PRKD1: variants seen among roughly 807,000 people sequenced by gnomAD.
The protein encoded by PRKD1 is protein kinase D1, also known as serine/threonine-protein kinase D1.
A neutral mutation model predicts 95.9 loss-of-function variants in PRKD1; 63 were observed. The observed-to-expected ratio is 0.66, with a 90% CI of 0.54 to 0.81. PRKD1 has a LOEUF of 0.81. PRKD1 is among the 30% of genes least tolerant of loss of function. PRKD1 has a pLI of 0.00. For synonymous variants in PRKD1, 425 were observed against 423.1 expected, an observed-to-expected ratio of 1.00 and a Z score of -0.05; for missense variants, 1,048 against 1,165.3, an observed-to-expected ratio of 0.90 and a Z score of 1.47.
chr14:29,863,350 A>G (rs1892774113), intron 1 of PRKD1, among the ~76,000 whole-genome samples: 1 of 152,192 alleles, frequency 6.6e-6, no homozygotes, highest in South Asian at 2.1e-4. Context: ...AAGACAGTGG[A>G]ATTAAAAATG....
chr14:29,895,160 A>G (rs1702711407), intron 1 of PRKD1, among the ~76,000 whole-genome samples: 2 of 151,946 alleles, frequency 1.3e-5, no homozygotes, highest in African/African-American at 2.4e-5. Flanking sequence ...CTACTAAAAT[A>G]CCAAAAATTA....
At chr14:29,757,101 G>C (rs140043620) in intron 1 of PRKD1, among the ~76,000 whole-genome samples, 122 of 152,256 alleles carry the variant, frequency 8.0e-4, no homozygotes, top group African/African-American at 2.8e-3. Context: ...ATGTGTGAAT[G>C]GTTCTTAATA....
intron 1 of PRKD1, among the ~76,000 whole-genome samples, chr14:29,801,583 C>CA (rs1031675637): frequency 2.0e-5 from 3 of 151,862 alleles, no homozygotes; most frequent in Non-Finnish European, 4.4e-5. Context: ...CAAAACAAAA[C>CA]AAAAAACAAG....
intron 13 of PRKD1, among the ~76,000 whole-genome samples, chr14:29,623,007 A>C (rs1482683228): frequency 6.6e-6 from 1 of 152,212 alleles, no homozygotes; most frequent in Non-Finnish European, 1.5e-5. Flanking sequence ...GTTAGGAAAG[A>C]TGTCATTTAC....
intron 1 of PRKD1, among the ~76,000 whole-genome samples, chr14:29,830,691 C>G (rs535505424): frequency 1.4e-5 from 2 of 147,292 alleles, no homozygotes; most frequent in South Asian, 4.3e-4. Flanking sequence ...TTTTTTTGGT[C>G]TCATGTGTTG....
At chr14:29,743,536 C>G (rs903303479) in intron 1 of PRKD1, among the ~76,000 whole-genome samples, 1 of 152,136 alleles carries the variant, frequency 6.6e-6, no homozygotes, top group African/African-American at 2.4e-5. Flanking sequence ...GAGACAAGAA[C>G]ATGTTAGGAA....
chr14:29,847,795 T>C (rs1892139925), intron 1 of PRKD1, among the ~76,000 whole-genome samples: 1 of 152,126 alleles, frequency 6.6e-6, no homozygotes, highest in Non-Finnish European at 1.5e-5. Context: ...TAAGATATTG[T>C]AGCCAATCCA....
intron 1 of PRKD1, among the ~76,000 whole-genome samples, chr14:29,737,357 A>AAAAAAAAAAAG (rs1555340095): frequency 6.8e-6 from 1 of 147,844 alleles, no homozygotes; most frequent in Non-Finnish European, 1.5e-5. Flanking sequence ...AAAAAAAAAA[A>AAAAAAAAAAAG]AAAAATACTC....
At chr14:29,736,958 C>G (rs1886744675) in intron 1 of PRKD1, among the ~76,000 whole-genome samples, 1 of 152,140 alleles carries the variant, frequency 6.6e-6, no homozygotes, top group South Asian at 2.1e-4. Flanking sequence ...GCAAGCAATA[C>G]TAGAAACAAA....
chr14:29,833,722 T>C (rs1293820022), intron 1 of PRKD1, among the ~76,000 whole-genome samples: 4 of 152,134 alleles, frequency 2.6e-5, no homozygotes, highest in Non-Finnish European at 5.9e-5. Flanking sequence ...ATCCATTTTC[T>C]GAGTGATCTC....
rs1220944588 is a variant in PRKD1 at position 29,885,124 on chromosome 14, T to TAAAAAAA, written c.264+42118_264+42124dup. Among the ~76,000 whole-genome samples the TAAAAAAA allele has an allele frequency of 6.9e-4, 91 of 131,060 alleles. 1 individual carries two copies. The highest frequency in any genetic ancestry group is 2.5e-3 in the African/African-American group (88 of 35,080). 86.0% of individuals were successfully genotyped at this position (131,060 alleles called of 152,430 possible). ...GGCAACAGAGCGAGACTCCATCTTT[T>TAAAAAAA]AAAAAAAAAAAAAAAAAAAGAATTA... On this transcript the variant is annotated intron_variant, in intron 1 of 17. Coordinates refer to ENST00000331968, the MANE Select transcript of PRKD1 (RefSeq NM_002742.3).
chr14:29,642,472 G>C (rs767027845), intron 4 of PRKD1, among the ~76,000 whole-genome samples: 5 of 152,094 alleles, frequency 3.3e-5, no homozygotes, highest in Non-Finnish European at 5.9e-5. Flanking sequence ...AAAACTCACT[G>C]ATCTTTGCAT....
chr14:29,922,822 C>T (rs1895168628), intron 1 of PRKD1, among the ~76,000 whole-genome samples: 1 of 152,152 alleles, frequency 6.6e-6, no homozygotes, highest in Non-Finnish European at 1.5e-5. Context: ...GACTTTGAGG[C>T]TGCAGTGAGC....
intron 16 of PRKD1, among the ~76,000 whole-genome samples, chr14:29,580,302 G>A (rs779774159): frequency 6.6e-6 from 1 of 152,128 alleles, no homozygotes; most frequent in Non-Finnish European, 1.5e-5. Flanking sequence ...TGAAAAAATT[G>A]TTCTGCTGAA....
At chr14:29,893,375 A>C (rs915136485) in intron 1 of PRKD1, among the ~76,000 whole-genome samples, 1 of 149,182 alleles carries the variant, frequency 6.7e-6, no homozygotes, top group African/African-American at 2.5e-5. Flanking sequence ...TTTCTAAAAT[A>C]AAAAGTTATT....
intron 1 of PRKD1, among the ~76,000 whole-genome samples, chr14:29,882,955 C>T (rs1893567042): frequency 6.6e-6 from 1 of 152,162 alleles, no homozygotes; most frequent in South Asian, 2.1e-4. Flanking sequence ...TACTGTATTA[C>T]GTTGTTCTAG....
chr14:29,745,826 AT>A (rs1887188626), intron 1 of PRKD1, among the ~76,000 whole-genome samples: 1 of 152,084 alleles, frequency 6.6e-6, no homozygotes, highest in South Asian at 2.1e-4. Flanking sequence ...CAGACTAATG[AT>A]TTATCAATGG....
At chr14:29,734,905 T>C (rs1886643171) in intron 1 of PRKD1, among the ~76,000 whole-genome samples, 1 of 152,136 alleles carries the variant, frequency 6.6e-6, no homozygotes, top group Non-Finnish European at 1.5e-5. Flanking sequence ...TCTGCTTGGG[T>C]TCTCCCTTTC....
At chr14:29,744,563 C>T (rs1364768192) in intron 1 of PRKD1, among the ~76,000 whole-genome samples, 5 of 152,068 alleles carry the variant, frequency 3.3e-5, no homozygotes, top group Non-Finnish European at 5.9e-5. Flanking sequence ...AAAAACAAAA[C>T]AAAACAGAAT....
Sources: allele counts gnomAD v4.1 joint callset (sites outside exome capture counted in the v4.1 genomes callset), GRCh38; gene constraint gnomAD v4.1.1; transcripts MANE v1.5; gene names NCBI Gene and HGNC (gene_info 2026-07-23, HGNC 2026-07-21).